Variants in TSC2 observed in about 807,000 individuals in gnomAD.
TSC2 encodes tuberin.
TSC2 carries 29 observed loss-of-function variants against 202.2 expected under a neutral mutation model. The observed-to-expected ratio is 0.14, with a 90% CI of 0.11 to 0.20. The LOEUF (loss-of-function observed/expected upper bound fraction) is 0.20, where lower values mean the gene tolerates loss of function less well. Ranked by LOEUF, TSC2 falls within the 10% of genes least tolerant of loss-of-function variation. The pLI, the probability that TSC2 is intolerant of heterozygous loss-of-function variation, is 1.00. For missense variants in TSC2, 2,429 were observed against 2,420.0 expected (o/e 1.00, Z -0.08); for synonymous variants, 1,349 against 1,044.0 (o/e 1.29, Z -5.63).
chr16:2,064,461 C>T lies in TSC2; in HGVS notation c.1599+34C>T, dbSNP rs371093821. On this transcript the variant is annotated intron_variant, in intron 15 of 41. Transcript: ENST00000219476. The stretch of plus-strand genomic sequence containing the variant: ...CGTTGTACCCGGGGCCGGGTGCTAG[C>T]GTGCCAGAGCTCCGTGGGCAGCAAT... The T allele has an allele frequency of 2.1e-5, 34 of 1,611,698 alleles. No homozygotes were observed. The African/African-American group carries it at 2.4e-4, about 11-fold the overall frequency.
intron 12 of TSC2, among the ~76,000 whole-genome samples, chr16:2,062,255 C>T (rs950417937): frequency 6.6e-6 from 1 of 152,254 alleles, no homozygotes; most frequent in African/African-American, 2.4e-5. Context: ...CTGTAGAGTC[C>T]TGTGGCTCCC....
intron 17 of TSC2, among the ~76,000 whole-genome samples, chr16:2,070,797 G>A (rs148621544): frequency 7.9e-5 from 12 of 152,332 alleles, no homozygotes; most frequent in East Asian, 5.8e-4. Context: ...TAAGCCGCAC[G>A]GTGACATGGG....
intron 25 of TSC2, among the ~76,000 whole-genome samples, chr16:2,076,949 C>T (rs2089473774): frequency 1.3e-5 from 2 of 152,232 alleles, no homozygotes; most frequent in Admixed American, 6.5e-5. Flanking sequence ...GCCGCCTTGC[C>T]GGACCGCAAA....
In TSC2 at chr16:2,086,354, C is replaced by T. The variant is rs1422829075; in HGVS notation, c.4824C>T (p.Tyr1608=). 1.9e-6 allele frequency: 3 copies of T among 1,612,754 alleles called. No individual in the cohort carries two copies. The highest frequency in any genetic ancestry group is 2.2e-5 in the South Asian group (2 of 91,094). ...DVCGEDGQFT[Y]CWHDDIMQAV... ...GTGGTGAGGACGGCCAGTTCACCTA[C>T]TGCTGGCACGATGACATCATGCAAG... The change falls in exon 37 of 42, where the codon TAC becomes TAT. Residue 1608 remains tyrosine (Y), a synonymous_variant. Coordinates refer to ENST00000219476, the MANE Select transcript of TSC2 (RefSeq NM_000548.5).
At position 2,055,534 on chromosome 16, in the gene TSC2, G is replaced by A. The variant is rs2151062449; in HGVS notation, c.599+15G>A. The A allele has an allele frequency of 1.2e-6, 2 of 1,605,684 alleles. No homozygotes were observed. Among genetic ancestry groups the A allele is most frequent in the South Asian group, 2.2e-5 (2 of 90,924 alleles). ...AGGATGGTTCAGTAAGAAAAGAATT[G>A]AGATCCTGTTCTGATAATGGTCCTA... On this transcript the variant is annotated intron_variant, in intron 6 of 41. Coordinates refer to ENST00000219476, the MANE Select transcript of TSC2 (RefSeq NM_000548.5).
chr16:2,057,207 G>T, intron 9 of TSC2, 29 bp downstream of exon 9: 1 of 1,551,434 alleles, frequency 6.4e-7, no homozygotes. Flanking sequence ...GCGCAGGGCA[G>T]TGGAGGCCAG....
At position 2,082,989 on chromosome 16, in the gene TSC2, G is replaced by A. The variant is rs540333177; in HGVS notation, c.3883+485G>A. On this transcript the variant is annotated intron_variant, in intron 32 of 41. Coordinates refer to ENST00000219476, the MANE Select transcript of TSC2 (RefSeq NM_000548.5). ...GCCTGTTGCCCCCAAGCCCTGGTGGGGAGTGCTGTGACCTGCATGGTGCTC... is the reference window on the plus strand; with the variant it reads ...GCCTGTTGCCCCCAAGCCCTGGTGGAGAGTGCTGTGACCTGCATGGTGCTC... 3.5e-4 allele frequency: 141 copies of A among 400,086 alleles called. 3 individuals carry two copies. The highest frequency in any genetic ancestry group is 2.5e-3 in the South Asian group (137 of 55,760). 24.8% of individuals were successfully genotyped at this position (400,086 alleles called of 1,614,324 possible).
chr16:2,087,159 C>T (rs1200996007), intron 38 of TSC2: 22 of 489,980 alleles, frequency 4.5e-5, no homozygotes, highest in Middle Eastern at 5.9e-4. Context: ...CTGTCCGGCG[C>T]GGCCCTTGGG....
rs528711579 is a variant in TSC2 at position 2,079,241 on chromosome 16, C to T, written c.3132-35C>T. ...GCTGGGCGGGCCTGCGGGAGCTCCA[C>T]GGGCAAGCTGGGTTTCACGCTCCCT... is the stretch of plus-strand genomic sequence containing the variant. On this transcript the variant is annotated intron_variant, in intron 27 of 41. Transcript: ENST00000219476. This position sits in a 1 kb window ranked among gnomAD's most constrained non-coding sequence, Gnocchi z 4.6. 1.2e-5 allele frequency: 19 copies of T among 1,612,960 alleles called. No homozygotes were observed. The highest frequency in any genetic ancestry group is 4.0e-5 in the African/African-American group (3 of 75,064).
chr16:2,048,378 C>G, intron 1 of TSC2: 1 of 841,218 alleles, frequency 1.2e-6, no homozygotes, highest in Non-Finnish European at 2.0e-6. Context: ...GAGTAGAGAG[C>G]TCTCTAGACC....
intron 29 of TSC2, 133 bp from the exon 30 acceptor site, chr16:2,080,032 C>A: frequency 7.8e-7 from 1 of 1,274,660 alleles, no homozygotes; most frequent in Non-Finnish European, 1.1e-6. Flanking sequence ...GGCCGTGCCC[C>A]AAGGGCAGAG....
chr16:2,063,947 A>T (rs898096534), intron 14 of TSC2: 5 of 457,108 alleles, frequency 1.1e-5, no homozygotes, highest in African/African-American at 9.9e-5. Flanking sequence ...CACGCACAGC[A>T]CCATGTGGGA....
intron 17 of TSC2, 32 bp from the exon 18 acceptor site, chr16:2,071,478 G>A: frequency 2.5e-6 from 4 of 1,612,148 alleles, no homozygotes; most frequent in Non-Finnish European, 3.4e-6. Flanking sequence ...GCACGAGCTT[G>A]GCTCTGGCTT....
chr16:2,056,518 A>G, intron 7 of TSC2, 126 bp from the exon 8 acceptor site: 3 of 1,414,292 alleles, frequency 2.1e-6, no homozygotes, highest in Non-Finnish European at 2.9e-6. Context: ...GCTTGGAGAG[A>G]GGGTGCCATG....
chr16:2,088,885 A>T lies in TSC2; in HGVS notation c.*275A>T. 1 of 327,848 alleles carries T rather than the reference A, an allele frequency of 3.1e-6. No individual in the cohort carries two copies. Among genetic ancestry groups the T allele is most frequent in the Non-Finnish European group, 6.0e-6 (1 of 166,394 alleles). 20.3% of individuals were successfully genotyped at this position (327,848 alleles called of 1,614,324 possible). A position where few individuals can be genotyped will look rare whatever the true frequency, so the allele number is the denominator to read the frequency against. ...CACACTCGCGCGTGCGCGCGCGCAC[A>T]CACACACACACACAGTCACCTTCCT... On this transcript the variant is annotated 3_prime_UTR_variant, in exon 42 of 42. Coordinates refer to ENST00000219476, the MANE Select transcript of TSC2 (RefSeq NM_000548.5).
Position 2,061,973 on chromosome 16 carries a change from T to A in TSC2, c.1222T>A (p.Phe408Ile), listed in dbSNP as rs200413643. 1 of 1,614,102 alleles carries A rather than the reference T, an allele frequency of 6.2e-7. No individual in the cohort carries two copies. Among genetic ancestry groups the A allele is most frequent in the East Asian group, 2.2e-5 (1 of 44,874 alleles). ...NEFHGSQERY[F>I]ELVERCADQR... ...GTTCCACGGGTCTCAGGAGAGATAC[T>A]TTGAACTGGTGGAGAGATGTGCGGA... Residue 408 changes from phenylalanine to isoleucine, a missense_variant, in exon 12 of 42, where the codon TTT becomes ATT. Coordinates refer to ENST00000219476, the MANE Select transcript of TSC2 (RefSeq NM_000548.5).
intron 21 of TSC2, among the ~76,000 whole-genome samples, chr16:2,073,782 G>A (rs753805549): frequency 6.6e-6 from 1 of 152,204 alleles, no homozygotes; most frequent in Non-Finnish European, 1.5e-5. Flanking sequence ...AGCTGTTCCC[G>A]GGACACTGCC....
chr16:2,083,652 T>C (rs2090406065), intron 32 of TSC2, 43 bp from the exon 33 acceptor site: 1 of 1,557,870 alleles, frequency 6.4e-7, no homozygotes, highest in South Asian at 1.2e-5. Context: ...GGCCAGGGCC[T>C]GGCCCAGCCC....
chr16:2,052,663 C>T (rs144750156), intron 3 of TSC2, among the ~76,000 whole-genome samples: 111 of 152,282 alleles, frequency 7.3e-4, no homozygotes, highest in Non-Finnish European at 1.5e-3. Context: ...AGGAATGAGC[C>T]TGTGGTCTGA....
Sources: allele counts gnomAD v4.1 joint callset (sites outside exome capture counted in the v4.1 genomes callset), GRCh38; gene constraint gnomAD v4.1.1; non-coding constraint Gnocchi (gnomAD v3.1); transcripts MANE v1.5; gene names NCBI Gene and HGNC (gene_info 2026-07-23, HGNC 2026-07-21).